The following FAM171A1 variants were observed in gnomAD, a reference collection of about 807,000 sequenced individuals.
FAM171A1 encodes family with sequence similarity 171 member A1, also known as protein FAM171A1.
Under a neutral mutation model 74.9 loss-of-function variants are expected in FAM171A1, and 23 were observed. That is an observed-to-expected ratio of 0.31 (90% CI 0.22 to 0.44). FAM171A1 has a LOEUF of 0.44. Among genes scored for constraint, FAM171A1 ranks in the 20% least tolerant of loss-of-function variants. The pLI, the probability that FAM171A1 is intolerant of heterozygous loss-of-function variation, is 1.00. For synonymous variants in FAM171A1, 527 were observed against 505.7 expected, an observed-to-expected ratio of 1.04 and a Z score of -0.57; for missense variants, 1,162 against 1,159.2, an observed-to-expected ratio of 1.00 and a Z score of -0.03.
At chr10:15,320,351 G>A (rs1038271745) in intron 1 of FAM171A1, among the ~76,000 whole-genome samples, 1 of 152,130 alleles carries the variant, frequency 6.6e-6, no homozygotes, top group Non-Finnish European at 1.5e-5. Context: ...GTACCACACT[G>A]TCTTCTTCCA....
chr10:15,270,999 G>A (rs184501092), intron 3 of FAM171A1, among the ~76,000 whole-genome samples: 7 of 152,316 alleles, frequency 4.6e-5, no homozygotes, highest in East Asian at 1.9e-4. Context: ...GCAGCTCCTC[G>A]CCAGCAATGG....
chr10:15,337,385 T>C (rs1042954318), intron 1 of FAM171A1, among the ~76,000 whole-genome samples: 1 of 152,056 alleles, frequency 6.6e-6, no homozygotes. Flanking sequence ...ATAGAAAGAG[T>C]ATCTTTAGTT....
chr10:15,349,562 C>A (rs549516662), intron 1 of FAM171A1, among the ~76,000 whole-genome samples: 88 of 152,248 alleles, frequency 5.8e-4, no homozygotes, highest in Middle Eastern at 3.4e-3. Context: ...GGGTGGCCCT[C>A]ATGAGGACCA....
chr10:15,282,428 C>T (rs1001417009), intron 2 of FAM171A1, among the ~76,000 whole-genome samples: 1 of 152,172 alleles, frequency 6.6e-6, no homozygotes, highest in African/African-American at 2.4e-5. Flanking sequence ...ACAAAGACAA[C>T]ACAAAACAAA....
chr10:15,316,063 C>T (rs181170971), intron 1 of FAM171A1, among the ~76,000 whole-genome samples: 29 of 152,242 alleles, frequency 1.9e-4, no homozygotes, highest in South Asian at 2.1e-4. Flanking sequence ...CACTTTAGCA[C>T]ATAATTATTT....
At chr10:15,248,967 C>A in intron 4 of FAM171A1, 152 bp from the exon 5 acceptor site, 1 of 639,070 alleles carries the variant, frequency 1.6e-6, no homozygotes, top group Non-Finnish European at 2.5e-6. Flanking sequence ...CACCACAACC[C>A]AGTAAGGCAG....
At position 15,213,432 on chromosome 10, in the gene FAM171A1, T is replaced by C. The variant is rs1337616630; in HGVS notation, c.2156A>G (p.His719Arg). 1.2e-6 allele frequency: 2 copies of C among 1,614,206 alleles called. No individual in the cohort carries two copies. Among genetic ancestry groups the C allele is most frequent in the Non-Finnish European group, 8.5e-7 (1 of 1,180,042 alleles). The change falls in exon 8 of 8, where the codon CAC (histidine) becomes CGC (arginine). Residue 719 changes from histidine to arginine, a missense_variant. By Grantham distance (29) the His-to-Arg change is conservative. Coordinates refer to ENST00000378116, the MANE Select transcript of FAM171A1 (RefSeq NM_001010924.2). The surrounding 1 kb of genome is among the most constrained non-coding windows in gnomAD (Gnocchi z 6.8). Reference protein sequence around the residue: ...FVSLDGRSNAHVRHSYIDLQR... With the variant: ...FVSLDGRSNARVRHSYIDLQR... ...GAGATCAATGTATGAATGTCTAACG[T>C]GAGCGTTGGACCTGCCATCCAAGGA...
intron 3 of FAM171A1, among the ~76,000 whole-genome samples, chr10:15,270,593 G>A (rs1354717326): frequency 2.0e-5 from 3 of 152,142 alleles, no homozygotes; most frequent in Non-Finnish European, 2.9e-5. Context: ...GTAGGTCCCT[G>A]ACCCCCGAGT....
rs1243195671 is a variant in FAM171A1, at chr10:15,254,898, G to C, written c.419-19C>G. The C allele has an allele frequency of 6.2e-7, 1 of 1,606,532 alleles. No homozygotes were observed. Among genetic ancestry groups the C allele is most frequent in the Non-Finnish European group, 8.5e-7 (1 of 1,174,286 alleles). ...CGGGCACCTGCAGAGATTAACCTCC[G>C]AGTTATCTCCCCCAGGAGCAGTTTC... On this transcript the variant is annotated intron_variant, in intron 3 of 7. Coordinates refer to ENST00000378116, the MANE Select transcript of FAM171A1 (RefSeq NM_001010924.2).
intron 1 of FAM171A1, among the ~76,000 whole-genome samples, chr10:15,343,239 T>C (rs892662547): frequency 6.6e-6 from 1 of 152,210 alleles, no homozygotes; most frequent in Admixed American, 6.5e-5. Context: ...TGCAGTAGCA[T>C]GTGCCTGTAG....
At chr10:15,260,713 T>C (rs1834644703) in intron 3 of FAM171A1, among the ~76,000 whole-genome samples, 1 of 152,208 alleles carries the variant, frequency 6.6e-6, no homozygotes, top group South Asian at 2.1e-4. Flanking sequence ...TCCAACTAGA[T>C]CAGGGGTCCT....
chr10:15,257,129 T>A (rs1834590472), intron 3 of FAM171A1, among the ~76,000 whole-genome samples: 1 of 152,070 alleles, frequency 6.6e-6, no homozygotes, highest in Non-Finnish European at 1.5e-5. Flanking sequence ...TGAGTCTACA[T>A]GTGATGGAGC....
intron 1 of FAM171A1, among the ~76,000 whole-genome samples, chr10:15,300,827 T>C (rs1201957327): frequency 6.6e-6 from 1 of 152,150 alleles, no homozygotes; most frequent in East Asian, 1.9e-4. Flanking sequence ...TCCCACACAC[T>C]GCAGCTGTGC....
At chr10:15,216,832 G>GAA (rs5783433) in intron 6 of FAM171A1, among the ~76,000 whole-genome samples, 2 of 134,886 alleles carry the variant, frequency 1.5e-5, no homozygotes, top group Non-Finnish European at 1.6e-5. Flanking sequence ...ATATTGCAGT[G>GAA]AAAAAAAAAA....
chr10:15,304,906 T>A (rs1325106379), intron 1 of FAM171A1, among the ~76,000 whole-genome samples: 2 of 152,164 alleles, frequency 1.3e-5, no homozygotes, highest in Non-Finnish European at 2.9e-5. Flanking sequence ...CTGGCTAATT[T>A]TTGTATTTAA....
chr10:15,270,012 T>C (rs952775820), intron 3 of FAM171A1, among the ~76,000 whole-genome samples: 2 of 152,180 alleles, frequency 1.3e-5, no homozygotes, highest in Non-Finnish European at 2.9e-5. Context: ...CATTTCCAAC[T>C]GAGGTACCAG....
rs1169098742 is a variant in FAM171A1 at position 15,312,673 on chromosome 10, G to GTTTTTTTTTTTTTT, written c.98-28582_98-28569dup. On this transcript the variant is annotated intron_variant, in intron 1 of 7. Transcript: ENST00000378116. ...TACTGGAATGAGTTCAGCACTGTGT[G>GTTTTTTTTTTTTTT]TTTTTTTTTTTTTTTTTTTTTTTTT... 2.5e-4 allele frequency among the ~76,000 whole-genome samples: 9 copies of GTTTTTTTTTTTTTT among 36,402 alleles called. 1 individual carries two copies. Among genetic ancestry groups the GTTTTTTTTTTTTTT allele is most frequent in the African/African-American group, 5.8e-4 (5 of 8,554 alleles). The allele number at this position is 36,402 out of a possible 152,430, so 23.9% of individuals were successfully genotyped here.
At chr10:15,350,465 C>T (rs1326852798) in intron 1 of FAM171A1, among the ~76,000 whole-genome samples, 4 of 151,778 alleles carry the variant, frequency 2.6e-5, no homozygotes, top group African/African-American at 9.7e-5. Flanking sequence ...CCTCAGCCTC[C>T]CCAGTAGCTG....
intron 3 of FAM171A1, among the ~76,000 whole-genome samples, chr10:15,274,054 G>A (rs1834861976): frequency 6.6e-6 from 1 of 152,136 alleles, no homozygotes; most frequent in African/African-American, 2.4e-5. Flanking sequence ...GCAGGAGAAA[G>A]AAATAAAGGG....
Sources: allele counts gnomAD v4.1 joint callset (sites outside exome capture counted in the v4.1 genomes callset), GRCh38; gene constraint gnomAD v4.1.1; non-coding constraint Gnocchi (gnomAD v3.1); transcripts MANE v1.5; gene names NCBI Gene and HGNC (gene_info 2026-07-23, HGNC 2026-07-21).